Variants in FHIT observed in about 807,000 individuals in gnomAD.
The protein encoded by FHIT is bis(5'-adenosyl)-triphosphatase.
In FHIT, 19 loss-of-function variants were observed where a neutral mutation model predicts 17.9. The observed-to-expected ratio is 1.06, with a 90% confidence interval of 0.74 to 1.56. FHIT has a LOEUF of 1.56. Among genes scored for constraint, FHIT ranks in the 40% most tolerant of loss-of-function variants. The pLI is 0.00. For synonymous variants in FHIT, 81 were observed against 69.7 expected, an observed-to-expected ratio of 1.16 and a Z score of -0.81; for missense variants, 248 against 189.2, an observed-to-expected ratio of 1.31 and a Z score of -1.82.
chr3:60,141,147 A>T (rs1225413586), intron 5 of FHIT, among the ~76,000 whole-genome samples: 2 of 152,136 alleles, frequency 1.3e-5, no homozygotes, highest in Non-Finnish European at 2.9e-5. Flanking sequence ...AGGGGGGATA[A>T]CTGGAAGAGA....
chr3:60,763,063 C>A (rs782005976), intron 4 of FHIT, among the ~76,000 whole-genome samples: 22 of 152,124 alleles, frequency 1.4e-4, no homozygotes, highest in Non-Finnish European at 2.2e-4. Context: ...TCTGAGATCA[C>A]CACTTCATAC....
At chr3:60,187,566 C>T (rs1702209266) in intron 5 of FHIT, among the ~76,000 whole-genome samples, 2 of 152,112 alleles carry the variant, frequency 1.3e-5, no homozygotes, top group African/African-American at 4.8e-5. Context: ...TGATCACTTA[C>T]AAAAATGGCA....
chr3:60,732,052 T>C lies in FHIT; in HGVS notation c.-18+89867A>G. 8 of 530,610 alleles carry C rather than the reference T, an allele frequency of 1.5e-5. 1 individual carries two copies. The highest frequency in any genetic ancestry group is 1.4e-4 in the South Asian group (7 of 50,452). 32.9% of individuals were successfully genotyped at this position (530,610 alleles called of 1,614,324 possible). A position where few individuals can be genotyped will look rare whatever the true frequency, so the allele number is the denominator to read the frequency against. ...GGGAATTGCAGCGACAATACAAAGA[T>C]TCTAGGATACTGCGAGCAAATGGGG... On this transcript the variant is annotated intron_variant, in intron 4 of 9. Transcript: ENST00000492590.
chr3:60,078,040 G>C (rs1374318542), intron 5 of FHIT, among the ~76,000 whole-genome samples: 1 of 151,910 alleles, frequency 6.6e-6, no homozygotes, highest in African/African-American at 2.4e-5. Flanking sequence ...AGAATTTCAA[G>C]TCATAAATAA....
intron 5 of FHIT, among the ~76,000 whole-genome samples, chr3:60,182,088 T>C (rs1701964363): frequency 6.6e-6 from 1 of 152,226 alleles, no homozygotes; most frequent in Non-Finnish European, 1.5e-5. Flanking sequence ...ATGAGATAAC[T>C]TCTAGGCTGT....
Position 60,593,171 on chromosome 3 carries a change from A to G in FHIT, c.-17-56192T>C, listed in dbSNP as rs113634674. Among the ~76,000 whole-genome samples the G allele has an allele frequency of 1.1e-3, 167 of 152,252 alleles. 1 individual carries two copies. The highest frequency in any genetic ancestry group is 6.3e-3 in the Admixed American group (97 of 15,288). On this transcript the variant is annotated intron_variant, in intron 4 of 9. Coordinates refer to ENST00000492590, the MANE Select transcript of FHIT (RefSeq NM_002012.4). ...ATACATTCTGAGTATGTAATCTTCT[A>G]TTGGTTAAACTTAGTTATACTCTCT...
chr3:60,307,888 G>A (rs949337232), intron 5 of FHIT, among the ~76,000 whole-genome samples: 13 of 152,002 alleles, frequency 8.6e-5, no homozygotes, highest in Non-Finnish European at 1.5e-4. Flanking sequence ...CGGCACACAC[G>A]TGTACTGTGA....
chr3:60,395,194 T>C (rs1701386369), intron 5 of FHIT, among the ~76,000 whole-genome samples: 1 of 152,158 alleles, frequency 6.6e-6, no homozygotes, highest in Admixed American at 6.6e-5. Flanking sequence ...AAGCTGATAA[T>C]TTCTGCAAGG....
chr3:60,481,403 G>C (rs1208269041), intron 5 of FHIT, among the ~76,000 whole-genome samples: 1 of 152,070 alleles, frequency 6.6e-6, no homozygotes, highest in Non-Finnish European at 1.5e-5. Context: ...ATGAAGGAAA[G>C]AATGTTAAGG....
chr3:60,976,096 C>CTTTTTTTTT (rs869239307), intron 3 of FHIT, among the ~76,000 whole-genome samples: 792 of 66,752 alleles, frequency 0.012, 164 homozygotes, highest in Non-Finnish European at 0.013. Context: ...TTTTCTTTTT[C>CTTTTTTTTT]TTTTTTTTTT....
intron 4 of FHIT, among the ~76,000 whole-genome samples, chr3:60,736,409 T>A (rs868967592): frequency 3.3e-5 from 5 of 152,212 alleles, no homozygotes; most frequent in African/African-American, 1.2e-4. Flanking sequence ...CATTTACTAA[T>A]GAATGGATAA....
At chr3:60,922,131 C>A (rs868924015) in intron 3 of FHIT, among the ~76,000 whole-genome samples, 3 of 152,176 alleles carry the variant, frequency 2.0e-5, no homozygotes, top group Non-Finnish European at 4.4e-5. Context: ...AATAAGCTCA[C>A]CTGCCATGGT....
chr3:60,710,376 T>A lies in FHIT; in HGVS notation c.-18+111543A>T, dbSNP rs566026822. The stretch of plus-strand genomic sequence containing the variant: ...GATGGGTGATTTCTGCATTTCCATC[T>A]GAGGTACCCGGTTCATCTCACTAGG... On this transcript the variant is annotated intron_variant, in intron 4 of 9. Coordinates refer to ENST00000492590, the MANE Select transcript of FHIT (RefSeq NM_002012.4). Among the ~76,000 whole-genome samples, 14 of 152,340 alleles carry A rather than the reference T, an allele frequency of 9.2e-5. No individual in the cohort carries two copies. In the East Asian group the frequency reaches 2.1e-3, roughly 23 times the overall value.
chr3:60,041,460 G>A (rs1038973750), intron 5 of FHIT, among the ~76,000 whole-genome samples: 3 of 152,204 alleles, frequency 2.0e-5, no homozygotes, highest in African/African-American at 7.2e-5. Flanking sequence ...GCCAAGGTTG[G>A]AATGAAGCCT....
At chr3:60,386,633 A>G (rs1004398425) in intron 5 of FHIT, among the ~76,000 whole-genome samples, 2 of 152,132 alleles carry the variant, frequency 1.3e-5, no homozygotes, top group Admixed American at 6.6e-5. Flanking sequence ...CCTCTTCTCT[A>G]AACAATTTCT....
chr3:60,581,787 A>T (rs2037756341), intron 4 of FHIT, among the ~76,000 whole-genome samples: 1 of 152,094 alleles, frequency 6.6e-6, no homozygotes, highest in Non-Finnish European at 1.5e-5. Context: ...CCCAAACAGA[A>T]TCCATCAGTG....
intron 4 of FHIT, among the ~76,000 whole-genome samples, chr3:60,687,962 A>T (rs1262937005): frequency 6.6e-6 from 1 of 152,080 alleles, no homozygotes; most frequent in African/African-American, 2.4e-5. Flanking sequence ...AAATATTGCC[A>T]AGATTACTTT....
intron 4 of FHIT, among the ~76,000 whole-genome samples, chr3:60,755,199 G>A (rs1049107981): frequency 2.0e-5 from 3 of 152,120 alleles, no homozygotes; most frequent in African/African-American, 7.2e-5. Flanking sequence ...TCAAACTCAA[G>A]TGTTTTCCAG....
At chr3:60,614,944 C>G (rs1553675249) in intron 4 of FHIT, among the ~76,000 whole-genome samples, 3 of 151,140 alleles carry the variant, frequency 2.0e-5, no homozygotes, top group Non-Finnish European at 4.4e-5. Context: ...ATTCTCCTGC[C>G]TCAGTCTCCC....
Sources: gnomAD v4.1 joint callset for allele counts (sites outside exome capture counted in the v4.1 genomes callset) on GRCh38, gnomAD v4.1.1 for gene constraint, MANE v1.5 for transcripts, NCBI Gene and HGNC (gene_info 2026-07-23, HGNC 2026-07-21) for gene names.